The following SGCZ variants were observed in gnomAD, a reference collection of about 807,000 sequenced individuals.
SGCZ encodes the protein zeta-sarcoglycan.
In SGCZ, 40 loss-of-function variants were observed where a neutral mutation model predicts 41.3. The observed-to-expected ratio is 0.97, with a 90% CI of 0.75 to 1.26. The LOEUF is 1.26. Ranked by LOEUF, SGCZ falls within the 50% of genes most tolerant of loss-of-function variation. The probability of loss-of-function intolerance (pLI) is 0.00; values close to 1 mark genes in which losing one functional copy is unlikely to be tolerated. For missense variants in SGCZ, 552 were observed against 369.8 expected (o/e 1.49, Z -4.04); for synonymous variants, 206 against 137.5 (o/e 1.50, Z -3.49).
At chr8:14,757,583 A>C (rs1799719943) in intron 1 of SGCZ, among the ~76,000 whole-genome samples, 1 of 152,190 alleles carries the variant, frequency 6.6e-6, no homozygotes, top group Non-Finnish European at 1.5e-5. Context: ...GGTACATAAA[A>C]AGGAGGCAGA....
intron 2 of SGCZ, among the ~76,000 whole-genome samples, chr8:14,492,820 A>G (rs1801879547): frequency 6.6e-6 from 1 of 152,116 alleles, no homozygotes; most frequent in Non-Finnish European, 1.5e-5. Flanking sequence ...ATTTTTTTCC[A>G]GAAAATGATA....
At chr8:14,684,876 G>A (rs62493147) in intron 1 of SGCZ, among the ~76,000 whole-genome samples, 1 of 151,946 alleles carries the variant, frequency 6.6e-6, no homozygotes, top group Admixed American at 6.6e-5. Flanking sequence ...GTGTGGAGGA[G>A]GGAGGTCTGT....
Position 14,666,220 on chromosome 8 carries a change from T to A in SGCZ, c.40-111294A>T, listed in dbSNP as rs188803138. On this transcript the variant is annotated intron_variant, in intron 1 of 7. Coordinates refer to ENST00000382080, the MANE Select transcript of SGCZ (RefSeq NM_139167.4). ...CTCATGAAGCATCCTATTACTGAAA[T>A]GTTTGTAGGGCATAAAAGGAATGCT... is the stretch of plus-strand genomic sequence containing the variant. 3.7e-3 allele frequency among the ~76,000 whole-genome samples: 569 copies of A among 152,312 alleles called. 6 individuals are homozygous for A. The highest frequency in any genetic ancestry group is 0.013 in the African/African-American group (551 of 41,574).
intron 4 of SGCZ, among the ~76,000 whole-genome samples, chr8:14,166,826 G>A (rs935840943): frequency 3.3e-5 from 5 of 152,098 alleles, no homozygotes; most frequent in South Asian, 2.1e-4. Flanking sequence ...GTGAAGTGAG[G>A]TGAAACCTTA....
intron 1 of SGCZ, among the ~76,000 whole-genome samples, chr8:14,586,600 T>G (rs930211741): frequency 6.6e-6 from 1 of 152,160 alleles, no homozygotes; most frequent in Non-Finnish European, 1.5e-5. Flanking sequence ...AGAAAAATAA[T>G]AGTCATCATA....
chr8:14,748,683 A>C (rs1422610945), intron 1 of SGCZ, among the ~76,000 whole-genome samples: 4 of 152,222 alleles, frequency 2.6e-5, no homozygotes, highest in African/African-American at 9.6e-5. Context: ...ATCATGAAGG[A>C]ATCATCTATG....
At chr8:14,735,795 A>G (rs960527183) in intron 1 of SGCZ, among the ~76,000 whole-genome samples, 1 of 152,126 alleles carries the variant, frequency 6.6e-6, no homozygotes, top group African/African-American at 2.4e-5. Context: ...ATAACATGTC[A>G]TGGACACACA....
At chr8:14,873,416 T>C (rs1804237956) in intron 1 of SGCZ, among the ~76,000 whole-genome samples, 1 of 152,080 alleles carries the variant, frequency 6.6e-6, no homozygotes, top group Admixed American at 6.6e-5. Context: ...CTTTGGAGAC[T>C]CTAGAGTCGT....
chr8:14,523,631 G>C (rs989577535), intron 2 of SGCZ, among the ~76,000 whole-genome samples: 4 of 151,938 alleles, frequency 2.6e-5, no homozygotes, highest in African/African-American at 9.7e-5. Context: ...AAGCTTGCCT[G>C]TTTGTGTCTA....
chr8:14,763,618 T>C (rs939311204), intron 1 of SGCZ, among the ~76,000 whole-genome samples: 7 of 152,286 alleles, frequency 4.6e-5, no homozygotes, highest in Non-Finnish European at 4.4e-5. Flanking sequence ...GTTTACGTAA[T>C]GATCATGTAA....
intron 4 of SGCZ, among the ~76,000 whole-genome samples, chr8:14,217,529 A>C (rs1369397707): frequency 6.6e-6 from 1 of 151,370 alleles, no homozygotes; most frequent in Non-Finnish European, 1.5e-5. Flanking sequence ...CAATAATTTC[A>C]GAATAAAAGC....
intron 1 of SGCZ, among the ~76,000 whole-genome samples, chr8:14,765,255 G>A (rs916130209): frequency 2.0e-5 from 3 of 152,078 alleles, no homozygotes; most frequent in Non-Finnish European, 4.4e-5. Context: ...CATAAAAGAA[G>A]CTGAAATATA....
intron 4 of SGCZ, among the ~76,000 whole-genome samples, chr8:14,197,001 G>T (rs1805286506): frequency 6.6e-6 from 1 of 151,986 alleles, no homozygotes; most frequent in African/African-American, 2.4e-5. Context: ...CATTTCAAAG[G>T]TAACAGAAAT....
At chr8:14,240,325 G>T (rs1440288861) in intron 3 of SGCZ, among the ~76,000 whole-genome samples, 2 of 21,934 alleles carry the variant, frequency 9.1e-5, no homozygotes, top group Non-Finnish European at 1.6e-4. Context: ...GAAACTCTGT[G>T]TCAAAAAAAA....
chr8:14,889,560 T>C (rs1804933408), intron 1 of SGCZ, among the ~76,000 whole-genome samples: 1 of 151,894 alleles, frequency 6.6e-6, no homozygotes, highest in African/African-American at 2.4e-5. Flanking sequence ...TAACTTGACT[T>C]GGACTCAAAA....
intron 4 of SGCZ, among the ~76,000 whole-genome samples, chr8:14,225,820 G>A (rs962131225): frequency 6.6e-6 from 1 of 151,798 alleles, no homozygotes; most frequent in Admixed American, 6.6e-5. Flanking sequence ...AAATGAGACT[G>A]GTCTAAACTT....
At chr8:14,276,286 T>C (rs1340113348) in intron 3 of SGCZ, among the ~76,000 whole-genome samples, 2 of 152,220 alleles carry the variant, frequency 1.3e-5, no homozygotes, top group Non-Finnish European at 2.9e-5. Context: ...ACTGATTAAA[T>C]GATTCCATTG....
intron 1 of SGCZ, among the ~76,000 whole-genome samples, chr8:14,913,757 A>T (rs1799346183): frequency 6.6e-6 from 1 of 151,760 alleles, no homozygotes; most frequent in Non-Finnish European, 1.5e-5. Flanking sequence ...AGGTTTTGGA[A>T]AATTACCAGT....
chr8:14,206,970 T>C lies in SGCZ; in HGVS notation c.424+30622A>G, dbSNP rs576441573. On this transcript the variant is annotated intron_variant, in intron 4 of 7. Transcript: ENST00000382080. ...TAGAATGACTTATGTCACTTAGCCA[T>C]GGACCCCTGAGGTTCCGTCACTGAC... Among the ~76,000 whole-genome samples the C allele has an allele frequency of 2.0e-5, 3 of 152,296 alleles. No homozygotes were observed. In the South Asian group the frequency reaches 6.2e-4, roughly 32 times the overall value.
Sources: gnomAD v4.1 joint callset for allele counts (sites outside exome capture counted in the v4.1 genomes callset) on GRCh38, gnomAD v4.1.1 for gene constraint, MANE v1.5 for transcripts, NCBI Gene and HGNC (gene_info 2026-07-23, HGNC 2026-07-21) for gene names.